Variants in NRXN1 observed in about 807,000 individuals in gnomAD.
NRXN1 encodes neurexin-1.
Under a neutral mutation model 150.9 loss-of-function variants are expected in NRXN1, and 39 were observed. The ratio of observed to expected loss-of-function variants is 0.26; its 90% CI spans 0.20 to 0.34. The LOEUF (loss-of-function observed/expected upper bound fraction) is 0.34. NRXN1 is among the 10% of genes least tolerant of loss of function. The probability of loss-of-function intolerance (pLI) is 1.00; values close to 1 mark genes in which losing one functional copy is unlikely to be tolerated. For missense variants in NRXN1, 1,815 were observed against 1,949.9 expected, an observed-to-expected ratio of 0.93 and a Z score of 1.30; for synonymous variants, 924 against 757.0, an observed-to-expected ratio of 1.22 and a Z score of -3.62.
At chr2:50,905,873 T>C (rs1683594396) in intron 5 of NRXN1, among the ~76,000 whole-genome samples, 1 of 152,152 alleles carries the variant, frequency 6.6e-6, no homozygotes, top group Non-Finnish European at 1.5e-5. Context: ...GTGAATTAAT[T>C]ACTTAAATAT....
chr2:50,020,419 A>C (rs1687392193), intron 21 of NRXN1, among the ~76,000 whole-genome samples: 1 of 152,172 alleles, frequency 6.6e-6, no homozygotes, highest in East Asian at 1.9e-4. Flanking sequence ...TGATATGAAA[A>C]CTCACAAGTT....
chr2:50,481,428 A>T (rs2090448128), intron 15 of NRXN1, among the ~76,000 whole-genome samples: 1 of 152,254 alleles, frequency 6.6e-6, no homozygotes, highest in African/African-American at 2.4e-5. Context: ...TAGGTATTCA[A>T]ATTCTGATAC....
At chr2:50,042,483 T>G (rs1444094902) in intron 21 of NRXN1, among the ~76,000 whole-genome samples, 1 of 152,216 alleles carries the variant, frequency 6.6e-6, no homozygotes, top group Non-Finnish European at 1.5e-5. Flanking sequence ...CCTGCAGAAC[T>G]GTGAGCCAAT....
intron 2 of NRXN1, among the ~76,000 whole-genome samples, chr2:50,956,129 G>C (rs1046113299): frequency 1.3e-5 from 2 of 152,018 alleles, no homozygotes; most frequent in Non-Finnish European, 2.9e-5. Context: ...CAAAGTGGCT[G>C]TTACCAGAGG....
chr2:50,622,012 C>A (rs999888642), intron 6 of NRXN1, among the ~76,000 whole-genome samples: 1 of 152,084 alleles, frequency 6.6e-6, no homozygotes, highest in African/African-American at 2.4e-5. Flanking sequence ...GTGCTTCTCT[C>A]AAATGAGCCT....
intron 18 of NRXN1, among the ~76,000 whole-genome samples, chr2:50,101,907 C>T (rs1432975502): frequency 2.0e-5 from 3 of 151,992 alleles, no homozygotes; most frequent in Admixed American, 6.6e-5. Flanking sequence ...CCTTGAAATG[C>T]ATCCCAAGAG....
chr2:50,833,841 C>A lies in NRXN1; in HGVS notation c.832+88028G>T, dbSNP rs1379450727. 5.3e-5 allele frequency among the ~76,000 whole-genome samples: 8 copies of A among 152,186 alleles called. No individual in the cohort carries two copies. The East Asian group carries it at 1.2e-3, about 22-fold the overall frequency. Reference sequence around the variant, plus strand: ...CTTCTAAGGAAATGCACAGATAGAACATAAAGCAACCATTTAAATGTCAGT... The same window carrying A: ...CTTCTAAGGAAATGCACAGATAGAAAATAAAGCAACCATTTAAATGTCAGT... On this transcript the variant is annotated intron_variant, in intron 5 of 22. Coordinates refer to ENST00000401669, the MANE Select transcript of NRXN1 (RefSeq NM_001330078.2).
chr2:50,196,274 T>C (rs973204110), intron 18 of NRXN1, among the ~76,000 whole-genome samples: 3 of 152,156 alleles, frequency 2.0e-5, no homozygotes, highest in Non-Finnish European at 4.4e-5. Context: ...AAGTCACTCA[T>C]GGGGTTCTAA....
chr2:50,705,833 C>G (rs1694353689), intron 5 of NRXN1, among the ~76,000 whole-genome samples: 3 of 151,874 alleles, frequency 2.0e-5, no homozygotes, highest in African/African-American at 7.2e-5. Flanking sequence ...GCCTATGGCC[C>G]ATAGTGCGAC....
intron 17 of NRXN1, among the ~76,000 whole-genome samples, chr2:50,321,134 T>A (rs1028983114): frequency 5.3e-5 from 8 of 152,186 alleles, no homozygotes; most frequent in African/African-American, 1.9e-4. Context: ...GTAGCCTCAC[T>A]GGAACAAAAG....
At chr2:50,362,649 G>A (rs372166172) in intron 17 of NRXN1, among the ~76,000 whole-genome samples, 1 of 152,104 alleles carries the variant, frequency 6.6e-6, no homozygotes, top group Non-Finnish European at 1.5e-5. Flanking sequence ...AATCAATATC[G>A]TGAAAATGGC....
chr2:50,298,558 C>T (rs1215601555), intron 17 of NRXN1, among the ~76,000 whole-genome samples: 1 of 151,922 alleles, frequency 6.6e-6, no homozygotes, highest in South Asian at 2.1e-4. Context: ...AGCAAAATCA[C>T]CAACTTAAAA....
chr2:50,667,790 T>A (rs1688286873), intron 5 of NRXN1, among the ~76,000 whole-genome samples: 1 of 152,012 alleles, frequency 6.6e-6, no homozygotes, highest in Non-Finnish European at 1.5e-5. Context: ...TATTATTGCA[T>A]CTTTGTATCT....
intron 21 of NRXN1, among the ~76,000 whole-genome samples, chr2:50,052,346 A>G (rs1253381112): frequency 6.6e-6 from 1 of 152,186 alleles, no homozygotes; most frequent in African/African-American, 2.4e-5. Flanking sequence ...GAAACAATTA[A>G]TTTTGGACCA....
At chr2:49,968,593 G>C (rs927235597) in intron 21 of NRXN1, among the ~76,000 whole-genome samples, 1 of 151,976 alleles carries the variant, frequency 6.6e-6, no homozygotes, top group African/African-American at 2.4e-5. Context: ...GGGATGTGTA[G>C]CCTACCTGAT....
chr2:50,943,830 G>A (rs906870286), intron 2 of NRXN1, among the ~76,000 whole-genome samples: 1 of 152,208 alleles, frequency 6.6e-6, no homozygotes, highest in African/African-American at 2.4e-5. Context: ...AGTCAGACAT[G>A]TTAGAAAACA....
chr2:50,537,659 T>C (rs939736547), intron 10 of NRXN1, among the ~76,000 whole-genome samples: 1 of 152,336 alleles, frequency 6.6e-6, no homozygotes, highest in South Asian at 2.1e-4. Flanking sequence ...GTTGGTTAGG[T>C]CCTAGCCAAA....
chr2:50,824,567 A>C (rs564327766), intron 5 of NRXN1, among the ~76,000 whole-genome samples: 13 of 152,304 alleles, frequency 8.5e-5, no homozygotes, highest in Non-Finnish European at 1.5e-4. Context: ...GGAATATGCT[A>C]GGATCCAGTA....
At chr2:50,038,535 T>C (rs1690401040) in intron 21 of NRXN1, among the ~76,000 whole-genome samples, 1 of 152,182 alleles carries the variant, frequency 6.6e-6, no homozygotes, top group South Asian at 2.1e-4. Context: ...ACTGCAGGAA[T>C]GATCACCAGT....
Sources: allele counts gnomAD v4.1 joint callset (sites outside exome capture counted in the v4.1 genomes callset), GRCh38; gene constraint gnomAD v4.1.1; transcripts MANE v1.5; gene names NCBI Gene and HGNC (gene_info 2026-07-23, HGNC 2026-07-21).